The following SLC1A7 variants were observed in gnomAD, a reference collection of about 807,000 sequenced individuals.
SLC1A7 encodes the protein solute carrier family 1 member 7.
A neutral mutation model predicts 47.7 loss-of-function variants in SLC1A7; 40 were observed. The observed-to-expected ratio is 0.84, with a 90% CI of 0.65 to 1.09. The LOEUF (loss-of-function observed/expected upper bound fraction) is 1.09. Ranked by LOEUF, SLC1A7 falls within the 50% of genes least tolerant of loss-of-function variation. The pLI, the probability that SLC1A7 is intolerant of heterozygous loss-of-function variation, is 0.00. For synonymous variants in SLC1A7, 323 were observed against 325.6 expected, an observed-to-expected ratio of 0.99 and a Z score of 0.09; for missense variants, 746 against 769.5, an observed-to-expected ratio of 0.97 and a Z score of 0.36.
chr1:53,104,987 G>A (rs11206101), intron 4 of SLC1A7, among the ~76,000 whole-genome samples: 13,726 of 152,208 alleles, frequency 0.09, 1,246 homozygotes, highest in East Asian at 0.26. Flanking sequence ...CTTATCACAG[G>A]CCATTGTAGT....
intron 5 of SLC1A7, among the ~76,000 whole-genome samples, chr1:53,101,346 C>G (rs1381539123): frequency 9.7e-6 from 1 of 102,886 alleles, no homozygotes; most frequent in African/African-American, 3.5e-5. Context: ...CCTCGGTACA[C>G]TCGCACACCC....
intron 1 of SLC1A7, among the ~76,000 whole-genome samples, chr1:53,136,758 C>T (rs1464247624): frequency 6.7e-6 from 1 of 149,632 alleles, no homozygotes; most frequent in Non-Finnish European, 1.5e-5. Context: ...CCTCCACCTC[C>T]TGGGCTCAAG....
chr1:53,088,661 C>T (rs1426893315), intron 10 of SLC1A7, among the ~76,000 whole-genome samples: 1 of 152,216 alleles, frequency 6.6e-6, no homozygotes, highest in African/African-American at 2.4e-5. Context: ...TTCTACTGTT[C>T]CTCCTGTGTC....
intron 7 of SLC1A7, chr1:53,091,109 G>A: frequency 2.9e-6 from 2 of 694,436 alleles, no homozygotes; most frequent in Non-Finnish European, 4.7e-6. Context: ...CCTGGGCCAG[G>A]CTGTCTGGGC....
intron 2 of SLC1A7, among the ~76,000 whole-genome samples, chr1:53,129,317 A>G (rs1391928811): frequency 1.3e-5 from 2 of 152,176 alleles, no homozygotes; most frequent in Middle Eastern, 6.3e-3. Context: ...CACTTTATAG[A>G]TAAGGACACT....
intron 1 of SLC1A7, among the ~76,000 whole-genome samples, chr1:53,141,107 C>T (rs1328550792): frequency 6.6e-6 from 1 of 152,170 alleles, no homozygotes; most frequent in East Asian, 1.9e-4. Flanking sequence ...CTCTTTTCCA[C>T]TGGGCTTTGT....
At position 53,087,979 on chromosome 1, in the gene SLC1A7, G is replaced by A; in HGVS notation, c.*30C>T. Reference sequence around the variant, plus strand: ...CCTGCCTCAGGACCCTGCCCCTGGAGGCCTCGCCTGCCCCTGCAGCTCCGC... The same window carrying A: ...CCTGCCTCAGGACCCTGCCCCTGGAAGCCTCGCCTGCCCCTGCAGCTCCGC... On this transcript the variant is annotated 3_prime_UTR_variant, in exon 11 of 11. Coordinates refer to ENST00000371494, the MANE Select transcript of SLC1A7 (RefSeq NM_006671.6). The A allele has an allele frequency of 8.3e-7, 1 of 1,211,220 alleles. No homozygotes were observed. Among genetic ancestry groups the A allele is most frequent in the Non-Finnish European group, 1.1e-6 (1 of 927,382 alleles). The allele number at this position is 1,211,220 out of a possible 1,614,324, so 75.0% of individuals were successfully genotyped here.
chr1:53,106,355 C>T (rs1054145558), intron 3 of SLC1A7, among the ~76,000 whole-genome samples: 8 of 151,808 alleles, frequency 5.3e-5, no homozygotes, highest in African/African-American at 7.3e-5. Context: ...CGGTGGCTCA[C>T]GCCTGTAATC....
intron 2 of SLC1A7, among the ~76,000 whole-genome samples, chr1:53,130,710 C>G (rs1303552667): frequency 1.3e-5 from 2 of 152,094 alleles, no homozygotes; most frequent in Admixed American, 6.5e-5. Flanking sequence ...CTGCTTGGAC[C>G]CTTTGGGGTT....
chr1:53,105,620 C>G, intron 4 of SLC1A7, 112 bp downstream of exon 4: 1 of 873,640 alleles, frequency 1.1e-6, no homozygotes, highest in Non-Finnish European at 2.0e-6. Context: ...CTCCAGCAGA[C>G]AGCGTGACTG....
At chr1:53,088,388 G>A (rs766708880) in intron 10 of SLC1A7, 161 bp from the exon 11 acceptor site, 6 of 593,784 alleles carry the variant, frequency 1.0e-5, no homozygotes, top group African/African-American at 1.9e-5. Flanking sequence ...CGGCCTCCCT[G>A]GGCTCCTGTT....
intron 9 of SLC1A7, among the ~76,000 whole-genome samples, chr1:53,089,359 G>A (rs1644394655): frequency 6.6e-6 from 1 of 152,164 alleles, no homozygotes; most frequent in African/African-American, 2.4e-5. Context: ...CCATCTCCCA[G>A]GTTCAGGTAA....
At chr1:53,105,629 TG>T in intron 4 of SLC1A7, 102 bp downstream of exon 4, 1 of 921,888 alleles carries the variant, frequency 1.1e-6, no homozygotes, top group Admixed American at 1.7e-5. Context: ...ACAGCGTGAC[TG>T]GCCAGCACAC....
intron 7 of SLC1A7, 91 bp from the exon 8 acceptor site, chr1:53,090,897 C>A: frequency 6.5e-7 from 1 of 1,549,628 alleles, no homozygotes; most frequent in Non-Finnish European, 8.7e-7. Context: ...CAGGCAGCCA[C>A]CCCGCCAGGA....
At position 53,142,429 on chromosome 1, in the gene SLC1A7, C is replaced by T; in HGVS notation, c.21G>A (p.Leu7=). MVPHAI[L]ARGRDVCRRN... Reference sequence around the variant, plus strand: ...GCCTGCACACGTCCCTCCCCCGTGCCAAGATGGCATGCGGCACCATGGTGA... The same window carrying T: ...GCCTGCACACGTCCCTCCCCCGTGCTAAGATGGCATGCGGCACCATGGTGA... Residue 7 remains leucine (L), a synonymous_variant, in exon 1 of 11, where the codon TTG becomes TTA. Coordinates refer to ENST00000371494, the MANE Select transcript of SLC1A7 (RefSeq NM_006671.6). 6 of 1,613,254 alleles carry T rather than the reference C, an allele frequency of 3.7e-6. No individual in the cohort carries two copies. The highest frequency in any genetic ancestry group is 5.1e-6 in the Non-Finnish European group (6 of 1,179,738).
Position 53,101,855 on chromosome 1 carries a change from C to T in SLC1A7, c.697+1491G>A, listed in dbSNP as rs1259575248. Among the ~76,000 whole-genome samples the T allele has an allele frequency of 2.0e-5, 3 of 149,820 alleles. No homozygotes were observed. The East Asian group carries it at 6.0e-4, about 30-fold the overall frequency. On this transcript the variant is annotated intron_variant, in intron 5 of 10. Transcript: ENST00000371494. ...CACGCACACTCAGTACACTCACACG[C>T]CCGCCTCGGTACACTCACACTCTTT...
At position 53,105,862 on chromosome 1, in the gene SLC1A7, C is replaced by G. The variant is rs545388338; in HGVS notation, c.432-88G>C. The G allele has an allele frequency of 9.3e-6, 10 of 1,073,210 alleles. No individual in the cohort carries two copies. The Admixed American group carries it at 1.8e-4, about 19-fold the overall frequency. 66.5% of individuals were successfully genotyped at this position (1,073,210 alleles called of 1,614,324 possible). On this transcript the variant is annotated intron_variant, in intron 3 of 10. Transcript: ENST00000371494. ...TGGCCTTGGGGTCATCTGGACATCT[C>G]CTTTGGTGGTCGGGCCTTCCTCAGG...
Position 53,087,941 on chromosome 1 carries a change from G to T in SLC1A7, c.*68C>A. On this transcript the variant is annotated 3_prime_UTR_variant, in exon 11 of 11. Coordinates refer to ENST00000371494, the MANE Select transcript of SLC1A7 (RefSeq NM_006671.6). ...CCCCTGCCGGCTGCTCAGGAGGGTT[G>T]GAGAGTCGAGTTCCTGCCTCAGGAC... is the stretch of plus-strand genomic sequence containing the variant. The T allele has an allele frequency of 1.0e-6, 1 of 960,540 alleles. No homozygotes were observed. The highest frequency in any genetic ancestry group is 1.5e-6 in the Non-Finnish European group (1 of 669,404). 59.5% of individuals were successfully genotyped at this position (960,540 alleles called of 1,614,324 possible). A position where few individuals can be genotyped will look rare whatever the true frequency, so the allele number is the denominator to read the frequency against.
Position 53,134,377 on chromosome 1 carries a change from A to G in SLC1A7, c.188T>C (p.Met63Thr). 1.1e-5 allele frequency: 17 copies of G among 1,613,518 alleles called. No individual in the cohort carries two copies. Among genetic ancestry groups the G allele is most frequent in the Non-Finnish European group, 1.4e-5 (16 of 1,179,770 alleles). ...GGAGACCACCAGTGGCAGGATCATCATCTTCAGCATCCTCATCAGGAGCTC... is the reference window on the plus strand; with the variant it reads ...GGAGACCACCAGTGGCAGGATCATCGTCTTCAGCATCCTCATCAGGAGCTC... The part of the protein sequence containing the change: ...PGELLMRMLK[M>T]MILPLVVSSL... Residue 63 changes from methionine (M) to threonine (T), a missense_variant, in exon 2 of 11, where the codon ATG becomes ACG. Physicochemically the swap from Met to Thr is moderately conservative, Grantham distance 81. Coordinates refer to ENST00000371494, the MANE Select transcript of SLC1A7 (RefSeq NM_006671.6).
Sources: allele counts gnomAD v4.1 joint callset (sites outside exome capture counted in the v4.1 genomes callset), GRCh38; gene constraint gnomAD v4.1.1; transcripts MANE v1.5; gene names NCBI Gene and HGNC (gene_info 2026-07-23, HGNC 2026-07-21).